PDS5B: variants seen among roughly 807,000 people sequenced by gnomAD.
PDS5B encodes the protein sister chromatid cohesion protein PDS5 homolog B.
A neutral mutation model predicts 184.1 loss-of-function variants in PDS5B; 51 were observed. That is an observed-to-expected ratio of 0.28 (90% CI 0.22 to 0.35). The LOEUF (loss-of-function observed/expected upper bound fraction) is 0.35. Ranked by LOEUF, PDS5B falls within the 10% of genes least tolerant of loss-of-function variation. The probability of loss-of-function intolerance (pLI) is 1.00; values close to 1 mark genes in which losing one functional copy is unlikely to be tolerated. For missense variants in PDS5B, 1,180 were observed against 1,723.3 expected (o/e 0.68, Z 5.58); for synonymous variants, 566 against 569.2 (o/e 0.99, Z 0.08).
chr13:32,696,514 A>C (rs1951708427), intron 14 of PDS5B, among the ~76,000 whole-genome samples: 1 of 151,866 alleles, frequency 6.6e-6, no homozygotes, highest in South Asian at 2.1e-4. Context: ...CTCAGGTCTA[A>C]ACATTGTAGG....
rs1950919585 is a variant in PDS5B at position 32,670,920 on chromosome 13, AATTT to A, written c.706-2292_706-2289del. Among the ~76,000 whole-genome samples the A allele has an allele frequency of 2.0e-5, 3 of 152,338 alleles. No individual in the cohort carries two copies. The South Asian group carries it at 6.2e-4, about 32-fold the overall frequency. On this transcript the variant is annotated intron_variant, in intron 7 of 34. Coordinates refer to ENST00000315596, the MANE Select transcript of PDS5B (RefSeq NM_015032.4). Reference sequence around the variant, plus strand: ...AATTAGCCATGTAAATGTAAGGTAGAATTTATTACTGACTGGTGACATCTTTCAT... The same window carrying A: ...AATTAGCCATGTAAATGTAAGGTAGAATTACTGACTGGTGACATCTTTCAT...
intron 1 of PDS5B, among the ~76,000 whole-genome samples, chr13:32,633,720 A>C (rs895098657): frequency 2.6e-5 from 4 of 152,074 alleles, no homozygotes; most frequent in Admixed American, 1.3e-4. Context: ...CCCCTCCCCC[A>C]GTTTACTCAT....
intron 34 of PDS5B, among the ~76,000 whole-genome samples, chr13:32,774,226 C>T (rs182780466): frequency 2.0e-5 from 3 of 152,168 alleles, no homozygotes; most frequent in Admixed American, 6.5e-5. Context: ...TTGAGAAACC[C>T]AAGCTCTATA....
At chr13:32,747,206 A>G (rs1953779346) in intron 24 of PDS5B, among the ~76,000 whole-genome samples, 1 of 152,200 alleles carries the variant, frequency 6.6e-6, no homozygotes, top group African/African-American at 2.4e-5. Flanking sequence ...ACATTAGTAA[A>G]TAAAATACTT....
intron 1 of PDS5B, among the ~76,000 whole-genome samples, chr13:32,635,716 G>T (rs2058541086): frequency 6.7e-6 from 1 of 149,492 alleles, no homozygotes; most frequent in Non-Finnish European, 1.5e-5. Flanking sequence ...TTCTGGTTGG[G>T]CTAACGTTTT....
chr13:32,750,610 C>T (rs559005377), intron 24 of PDS5B, among the ~76,000 whole-genome samples: 11 of 151,144 alleles, frequency 7.3e-5, no homozygotes, highest in Non-Finnish European at 1.3e-4. Context: ...GGTGTGATCT[C>T]GGCTCACTGT....
intron 1 of PDS5B, among the ~76,000 whole-genome samples, chr13:32,623,855 A>G (rs960164073): frequency 3.3e-5 from 5 of 152,038 alleles, no homozygotes; most frequent in African/African-American, 1.2e-4. Context: ...CTCTCTCGCC[A>G]GGCTGGAGTG....
chr13:32,757,214 C>T (rs1191655765), intron 26 of PDS5B, among the ~76,000 whole-genome samples: 1 of 151,882 alleles, frequency 6.6e-6, no homozygotes, highest in Non-Finnish European at 1.5e-5. Context: ...CCACTTCTTT[C>T]TGAGAACATT....
At chr13:32,691,586 G>T (rs1050239002) in intron 13 of PDS5B, among the ~76,000 whole-genome samples, 1 of 152,068 alleles carries the variant, frequency 6.6e-6, no homozygotes, top group Non-Finnish European at 1.5e-5. Context: ...ACCCTGGGAG[G>T]TTTAAACAAT....
At chr13:32,770,053 TTTCA>T in intron 31 of PDS5B, 64 bp from the exon 32 acceptor site, 1 of 1,415,952 alleles carries the variant, frequency 7.1e-7, no homozygotes, top group South Asian at 1.4e-5. Context: ...GATTTTTTTG[TTTCA>T]TTCCTCAAAA....
intron 1 of PDS5B, among the ~76,000 whole-genome samples, chr13:32,646,060 A>G (rs1950214796): frequency 6.6e-6 from 1 of 152,054 alleles, no homozygotes; most frequent in Admixed American, 6.6e-5. Context: ...GCTTGAGTGC[A>G]GTGGTGTGAT....
rs542713565 is a variant in PDS5B, at chr13:32,667,990, CCTT to C, written c.705+150_705+152del. The C allele has an allele frequency of 9.0e-4, 408 of 452,194 alleles. 14 individuals carry two copies. Among genetic ancestry groups the C allele is most frequent in the Non-Finnish European group, 9.3e-4 (235 of 252,114 alleles). 28.0% of individuals were successfully genotyped at this position (452,194 alleles called of 1,614,324 possible). ...CCCTTAAGTAATATATTTTCTTTCT[CCTT>C]CTTAAAATTATTCTTGCTTTATATT... On this transcript the variant is annotated intron_variant, in intron 7 of 34. Coordinates refer to ENST00000315596, the MANE Select transcript of PDS5B (RefSeq NM_015032.4).
intron 10 of PDS5B, among the ~76,000 whole-genome samples, chr13:32,680,906 C>T (rs1447289890): frequency 6.6e-6 from 1 of 152,038 alleles, no homozygotes; most frequent in Non-Finnish European, 1.5e-5. Context: ...AAACCAGACC[C>T]CTGCTTTTTT....
chr13:32,627,551 T>C (rs1593284522), intron 1 of PDS5B, among the ~76,000 whole-genome samples: 1 of 152,326 alleles, frequency 6.6e-6, no homozygotes, highest in East Asian at 1.9e-4. Flanking sequence ...ATCTTTTTTC[T>C]AGCAGAACCA....
chr13:32,587,564 T>G (rs1001253922), intron 1 of PDS5B, among the ~76,000 whole-genome samples: 2 of 152,172 alleles, frequency 1.3e-5, no homozygotes, highest in African/African-American at 4.8e-5. Flanking sequence ...AGCTCGACAG[T>G]TATTTTGGAC....
At chr13:32,768,918 G>A (rs1021343125) in intron 31 of PDS5B, among the ~76,000 whole-genome samples, 13 of 143,564 alleles carry the variant, frequency 9.1e-5, no homozygotes, top group Admixed American at 8.5e-4. Context: ...TGGCTAACAC[G>A]GTGAAACCCC....
chr13:32,655,916 A>C (rs189103668), intron 3 of PDS5B, among the ~76,000 whole-genome samples: 1 of 152,158 alleles, frequency 6.6e-6, no homozygotes, highest in Non-Finnish European at 1.5e-5. Context: ...TATGTCCAGA[A>C]TGGTATTTCC....
rs183313472 is a variant in PDS5B at position 32,665,704 on chromosome 13, T to C, written c.625-2060T>C. Among the ~76,000 whole-genome samples the C allele has an allele frequency of 8.2e-3, 1,228 of 150,454 alleles. 9 individuals are homozygous for C. The highest frequency in any genetic ancestry group is 0.027 in the Middle Eastern group (8 of 292). Reference sequence around the variant, plus strand: ...AGCCGTATGAGAACAGACTGATAAATTTGATTACATTAAAAATAAAAGCTA... The same window carrying C: ...AGCCGTATGAGAACAGACTGATAAACTTGATTACATTAAAAATAAAAGCTA... On this transcript the variant is annotated intron_variant, in intron 6 of 34. Coordinates refer to ENST00000315596, the MANE Select transcript of PDS5B (RefSeq NM_015032.4).
chr13:32,740,041 G>T (rs1255503850), intron 21 of PDS5B, among the ~76,000 whole-genome samples: 1 of 151,826 alleles, frequency 6.6e-6, no homozygotes, highest in African/African-American at 2.4e-5. Flanking sequence ...GTTTTTTCTT[G>T]TGAATTAAAT....
Sources: allele counts gnomAD v4.1 joint callset (sites outside exome capture counted in the v4.1 genomes callset), GRCh38; gene constraint gnomAD v4.1.1; transcripts MANE v1.5; gene names NCBI Gene and HGNC (gene_info 2026-07-23, HGNC 2026-07-21).